Variants in SMC6 observed in about 807,000 individuals in gnomAD.
SMC6 encodes structural maintenance of chromosomes protein 6.
A neutral mutation model predicts 142.2 loss-of-function variants in SMC6; 79 were observed. The observed-to-expected ratio is 0.56, with a 90% CI of 0.46 to 0.67. SMC6 has a LOEUF of 0.67. SMC6 is among the 30% of genes least tolerant of loss of function. The pLI is 0.00. For synonymous variants in SMC6, 411 were observed against 412.4 expected, an observed-to-expected ratio of 1.00 and a Z score of 0.04; for missense variants, 1,072 against 1,284.0, an observed-to-expected ratio of 0.83 and a Z score of 2.52.
intron 4 of SMC6, among the ~76,000 whole-genome samples, chr2:17,739,910 AC>A (rs1670356104): frequency 6.7e-6 from 1 of 150,006 alleles, no homozygotes; most frequent in African/African-American, 2.5e-5. Flanking sequence ...ACACACACAC[AC>A]ACACACACAC....
intron 23 of SMC6, among the ~76,000 whole-genome samples, chr2:17,693,085 G>A (rs1157381323): frequency 2.0e-5 from 3 of 152,142 alleles, no homozygotes; most frequent in Non-Finnish European, 4.4e-5. Context: ...TAGAGAAATA[G>A]GAACACTTTT....
At chr2:17,745,589 T>G (rs1670706216) in intron 3 of SMC6, among the ~76,000 whole-genome samples, 2 of 152,212 alleles carry the variant, frequency 1.3e-5, no homozygotes, top group African/African-American at 4.8e-5. Context: ...TTTGCATTTC[T>G]TGGTCTTACT....
In SMC6 at chr2:17,703,151, T is replaced by C. The variant is rs760336692; in HGVS notation, c.2142+6A>G. 3 of 1,362,046 alleles carry C rather than the reference T, an allele frequency of 2.2e-6. No homozygotes were observed. The highest frequency in any genetic ancestry group is 1.0e-6 in the Non-Finnish European group (1 of 992,584). 84.4% of individuals were successfully genotyped at this position (1,362,046 alleles called of 1,614,324 possible). A position where few individuals can be genotyped will look rare whatever the true frequency, so the allele number is the denominator to read the frequency against. Reference sequence around the variant, plus strand: ...AAAAGAAGGTTTATTATTATTATTTTTTTACCTTTAGTTCTTTATAATGTA... The same window carrying C: ...AAAAGAAGGTTTATTATTATTATTTCTTTACCTTTAGTTCTTTATAATGTA... On this transcript the variant is annotated splice_donor_region_variant and intron_variant, in intron 19 of 27. Coordinates refer to ENST00000448223, the MANE Select transcript of SMC6 (RefSeq NM_001142286.2).
At chr2:17,707,419 G>A (rs764070816) in intron 17 of SMC6, 40 bp from the exon 18 acceptor site, 8 of 1,348,144 alleles carry the variant, frequency 5.9e-6, no homozygotes, top group Non-Finnish European at 7.8e-6. Flanking sequence ...AAGACGATGT[G>A]AAAATTTTTC....
intron 24 of SMC6, chr2:17,680,372 T>C (rs1410097952): frequency 6.6e-6 from 1 of 152,224 alleles, no homozygotes; most frequent in Non-Finnish European, 1.5e-5. Context: ...AAGTTTTGTT[T>C]ACACTGTTGT....
intron 26 of SMC6, 118 bp downstream of exon 26, chr2:17,670,305 G>C: frequency 9.7e-7 from 1 of 1,030,126 alleles, no homozygotes; most frequent in East Asian, 2.7e-5. Context: ...ACAGACTAAA[G>C]AGTCAGGGCA....
At chr2:17,751,429 C>T (rs2125098856) in intron 2 of SMC6, among the ~76,000 whole-genome samples, 1 of 148,872 alleles carries the variant, frequency 6.7e-6, no homozygotes, top group East Asian at 2.0e-4. Context: ...CACCACTGCA[C>T]TCCAACCTCG....
Position 17,716,284 on chromosome 2 carries a change from A to C in SMC6, c.1347-20T>G. 6.3e-7 allele frequency: 1 copy of C among 1,597,420 alleles called. No homozygotes were observed. Among genetic ancestry groups the C allele is most frequent in the Non-Finnish European group, 8.5e-7 (1 of 1,174,522 alleles). On this transcript the variant is annotated intron_variant, in intron 14 of 27. Transcript: ENST00000448223. ...TCTCTCCTAAAAAACAAAAGCAGAA[A>C]AACAGAACATATATGTGATAGTTTT...
intron 3 of SMC6, among the ~76,000 whole-genome samples, chr2:17,744,017 A>T (rs1335607328): frequency 2.6e-5 from 4 of 152,240 alleles, no homozygotes; most frequent in African/African-American, 9.6e-5. Context: ...TTTGGTAATT[A>T]TGAATAAAGC....
intron 4 of SMC6, chr2:17,740,615 G>A (rs911101127): frequency 1.8e-5 from 6 of 334,376 alleles, no homozygotes; most frequent in African/African-American, 1.1e-4. Flanking sequence ...AGCACTCTGC[G>A]AAGCCGAGGT....
intron 4 of SMC6, among the ~76,000 whole-genome samples, chr2:17,739,729 C>CT (rs980210307): frequency 1.3e-5 from 2 of 151,988 alleles, no homozygotes; most frequent in African/African-American, 4.8e-5. Context: ...GAGAGGATAG[C>CT]TTGAGCCCAG....
At chr2:17,701,952 T>G (rs1286776121) in intron 19 of SMC6, 43 bp from the exon 20 acceptor site, 5 of 1,030,068 alleles carry the variant, frequency 4.9e-6, no homozygotes, top group African/African-American at 1.6e-5. Flanking sequence ...AAAAAAAAAT[T>G]TAAACCGAAA....
chr2:17,713,088 C>T (rs75899185), intron 16 of SMC6, among the ~76,000 whole-genome samples: 7,835 of 152,224 alleles, frequency 0.051, 224 homozygotes, highest in Middle Eastern at 0.11. Context: ...TCTCGTAGGC[C>T]TCTCTTTCTT....
rs1262082478 is a variant in SMC6 at position 17,674,744 on chromosome 2, A to G, written c.2910+4115T>C. Among the ~76,000 whole-genome samples, 4 of 152,124 alleles carry G rather than the reference A, an allele frequency of 2.6e-5. No individual in the cohort carries two copies. The East Asian group carries it at 7.7e-4, about 29-fold the overall frequency. On this transcript the variant is annotated intron_variant, in intron 25 of 27. Transcript: ENST00000448223. The stretch of plus-strand genomic sequence containing the variant: ...GTATATACAAATTAAAAATTTTTTA[A>G]AATAACTTTTATAACCATGAAATGG...
chr2:17,679,129 G>C (rs1667130900), intron 24 of SMC6, 165 bp from the exon 25 acceptor site: 2 of 506,824 alleles, frequency 3.9e-6, no homozygotes, highest in Admixed American at 3.7e-5. Flanking sequence ...TTTGCCTTGT[G>C]TCTTTATATT....
intron 4 of SMC6, among the ~76,000 whole-genome samples, chr2:17,739,927 C>CACACAG (rs1208547505): frequency 7.3e-6 from 1 of 136,526 alleles, no homozygotes; most frequent in Non-Finnish European, 1.6e-5. Flanking sequence ...CACACACACA[C>CACACAG]AGAATATGGT....
chr2:17,697,335 C>A (rs1345870282), intron 21 of SMC6, among the ~76,000 whole-genome samples: 1 of 151,582 alleles, frequency 6.6e-6, no homozygotes, highest in East Asian at 1.9e-4. Context: ...AAAAGAAGAA[C>A]TTCAAAACTA....
At chr2:17,724,692 G>A (rs1669530954) in intron 9 of SMC6, among the ~76,000 whole-genome samples, 1 of 152,208 alleles carries the variant, frequency 6.6e-6, no homozygotes, top group Admixed American at 6.5e-5. Context: ...TGGCTGGCAT[G>A]AGTGATTTAA....
At chr2:17,723,123 T>C (rs1292771415) in intron 9 of SMC6, among the ~76,000 whole-genome samples, 1 of 152,186 alleles carries the variant, frequency 6.6e-6, no homozygotes, top group Admixed American at 6.5e-5. Context: ...CAGTCACCTT[T>C]GATGCCTCTG....
Sources: gnomAD v4.1 joint callset for allele counts (sites outside exome capture counted in the v4.1 genomes callset) on GRCh38, gnomAD v4.1.1 for gene constraint, MANE v1.5 for transcripts, NCBI Gene and HGNC (gene_info 2026-07-23, HGNC 2026-07-21) for gene names.